The following KCNN3 variants were observed in gnomAD, a reference collection of about 807,000 sequenced individuals.
KCNN3 encodes the protein potassium calcium-activated channel subfamily N member 3, also known as small conductance calcium-activated potassium channel protein 3.
In KCNN3, 16 loss-of-function variants were observed where a neutral mutation model predicts 62.9. The ratio of observed to expected loss-of-function variants is 0.25; its 90% CI spans 0.17 to 0.39. The LOEUF is 0.39. KCNN3 is among the 10% of genes least tolerant of loss of function. The pLI, the probability that KCNN3 is intolerant of heterozygous loss-of-function variation, is 1.00. For missense variants in KCNN3, 599 were observed against 949.4 expected (o/e 0.63, Z 4.85); for synonymous variants, 370 against 389.2 (o/e 0.95, Z 0.58).
intron 3 of KCNN3, among the ~76,000 whole-genome samples, chr1:154,768,710 G>A (rs1648409536): frequency 6.6e-6 from 1 of 152,160 alleles, no homozygotes; most frequent in African/African-American, 2.4e-5. Flanking sequence ...GGAGAGCCCG[G>A]GTCCTGGAGG....
intron 1 of KCNN3, among the ~76,000 whole-genome samples, chr1:154,829,215 G>A (rs1002854247): frequency 6.6e-6 from 1 of 152,258 alleles, no homozygotes; most frequent in Non-Finnish European, 1.5e-5. Context: ...AGGTCAGGGG[G>A]CCCTGGAGGA....
At chr1:154,847,806 G>A (rs1004269386) in intron 1 of KCNN3, among the ~76,000 whole-genome samples, 15 of 152,170 alleles carry the variant, frequency 9.9e-5, no homozygotes, top group African/African-American at 2.4e-4. Flanking sequence ...TGACACCTGC[G>A]TAATTACACC....
At chr1:154,774,789 C>G (rs902817198) in intron 2 of KCNN3, among the ~76,000 whole-genome samples, 1 of 152,214 alleles carries the variant, frequency 6.6e-6, no homozygotes, top group Non-Finnish European at 1.5e-5. Context: ...TAGCAGGGTC[C>G]TGTGGCCTAA....
intron 1 of KCNN3, among the ~76,000 whole-genome samples, chr1:154,836,366 C>G (rs996036310): frequency 6.6e-6 from 1 of 152,204 alleles, no homozygotes; most frequent in Non-Finnish European, 1.5e-5. Flanking sequence ...GTCTATTTTG[C>G]CCTGCACCGG....
At chr1:154,859,015 G>GC (rs1277024810) in intron 1 of KCNN3, among the ~76,000 whole-genome samples, 1 of 152,106 alleles carries the variant, frequency 6.6e-6, no homozygotes, top group Non-Finnish European at 1.5e-5. Context: ...CAGGTATGGT[G>GC]CCCCCCTGAG....
intron 6 of KCNN3, among the ~76,000 whole-genome samples, chr1:154,714,319 G>GGT (rs1182972287): frequency 1.8e-5 from 1 of 55,122 alleles, no homozygotes; most frequent in Non-Finnish European, 3.5e-5. Flanking sequence ...GTTTGTGTGA[G>GGT]GTGTGTGTGT....
At position 154,713,564 on chromosome 1, in the gene KCNN3, T is replaced by C. The variant is rs914182201; in HGVS notation, c.1830-31A>G. ...GGGAAGAATGGTAACAGGCAAGCCCTTCAAGTCCATGCAAAGGTTTAGCCC... is the reference window on the plus strand; with the variant it reads ...GGGAAGAATGGTAACAGGCAAGCCCCTCAAGTCCATGCAAAGGTTTAGCCC... On this transcript the variant is annotated intron_variant, in intron 6 of 7. Transcript: ENST00000271915. The C allele has an allele frequency of 1.9e-6, 3 of 1,581,668 alleles. No individual in the cohort carries two copies. In the Admixed American group the frequency reaches 5.0e-5, roughly 26 times the overall value.
chr1:154,866,980 C>T (rs183390597), intron 1 of KCNN3, among the ~76,000 whole-genome samples: 1 of 152,276 alleles, frequency 6.6e-6, no homozygotes, highest in African/African-American at 2.4e-5. Context: ...GCATAGATCC[C>T]ACACTGGGAT....
intron 2 of KCNN3, among the ~76,000 whole-genome samples, chr1:154,793,730 G>A (rs1476949434): frequency 2.0e-5 from 3 of 152,198 alleles, no homozygotes; most frequent in African/African-American, 7.2e-5. Context: ...AATGGCTGGA[G>A]TAGTTAACTT....
intron 2 of KCNN3, among the ~76,000 whole-genome samples, chr1:154,820,249 G>A (rs1008136236): frequency 6.6e-6 from 1 of 152,164 alleles, no homozygotes; most frequent in Non-Finnish European, 1.5e-5. Flanking sequence ...GCCCTGGACT[G>A]GGAACAAGGA....
intron 5 of KCNN3, among the ~76,000 whole-genome samples, chr1:154,724,235 C>T (rs1700415353): frequency 2.0e-5 from 3 of 152,254 alleles, no homozygotes; most frequent in African/African-American, 7.2e-5. Flanking sequence ...ACTGCCTTCC[C>T]CAAGAGCTCG....
intron 1 of KCNN3, among the ~76,000 whole-genome samples, chr1:154,843,985 C>A (rs1651940229): frequency 6.6e-6 from 1 of 152,186 alleles, no homozygotes; most frequent in East Asian, 1.9e-4. Context: ...GGAGGGGGGG[C>A]TGCACAGCCA....
chr1:154,835,586 CTTTAAGG>C (rs1249014538), intron 1 of KCNN3, among the ~76,000 whole-genome samples: 1 of 152,142 alleles, frequency 6.6e-6, no homozygotes, highest in African/African-American at 2.4e-5. Flanking sequence ...TATGTCACTC[CTTTAAGG>C]TTTATTTCAT....
chr1:154,805,392 A>G (rs1650128765), intron 2 of KCNN3, among the ~76,000 whole-genome samples: 1 of 152,180 alleles, frequency 6.6e-6, no homozygotes, highest in Non-Finnish European at 1.5e-5. Flanking sequence ...GAGCAATTAA[A>G]TCAGAATCCC....
At chr1:154,732,379 TG>T (rs1700615725) in intron 4 of KCNN3, among the ~76,000 whole-genome samples, 1 of 152,142 alleles carries the variant, frequency 6.6e-6, no homozygotes, top group South Asian at 2.1e-4. Flanking sequence ...CACCTGGAGA[TG>T]GGATCACAGC....
At chr1:154,720,280 T>A (rs1020907809) in intron 5 of KCNN3, among the ~76,000 whole-genome samples, 2 of 152,220 alleles carry the variant, frequency 1.3e-5, no homozygotes, top group Non-Finnish European at 2.9e-5. Flanking sequence ...ACATTGTTTC[T>A]GTGACTATTG....
In KCNN3 at chr1:154,699,350, T is replaced by C. The variant is rs1242185507; in HGVS notation, c.*8626A>G. 6.6e-6 allele frequency: 1 copy of C among 152,142 alleles called. No homozygotes were observed. Among genetic ancestry groups the C allele is most frequent in the Non-Finnish European group, 1.5e-5 (1 of 68,040 alleles). 9.4% of individuals were successfully genotyped at this position (152,142 alleles called of 1,614,324 possible). ...AGCTGTGAATAGCAATATGATATAT[T>C]ATGAAGCATTTATATATGTATGTAT... On this transcript the variant is annotated 3_prime_UTR_variant, in exon 8 of 8. Transcript: ENST00000271915.
intron 1 of KCNN3, among the ~76,000 whole-genome samples, chr1:154,828,950 T>C (rs1356069685): frequency 6.6e-6 from 1 of 152,234 alleles, no homozygotes; most frequent in Non-Finnish European, 1.5e-5. Context: ...ATACAACATA[T>C]ATTCACTGAG....
At chr1:154,831,562 C>T (rs1210842683) in intron 1 of KCNN3, among the ~76,000 whole-genome samples, 2 of 152,192 alleles carry the variant, frequency 1.3e-5, no homozygotes, top group Non-Finnish European at 2.9e-5. Context: ...GGGTTGCCCT[C>T]ACAGCTCTGA....
Sources: gnomAD v4.1 joint callset for allele counts (sites outside exome capture counted in the v4.1 genomes callset) on GRCh38, gnomAD v4.1.1 for gene constraint, MANE v1.5 for transcripts, NCBI Gene and HGNC (gene_info 2026-07-23, HGNC 2026-07-21) for gene names.